Variants in DPP10 observed in about 807,000 individuals in gnomAD.
DPP10 encodes dipeptidyl peptidase like 10, also known as inactive dipeptidyl peptidase 10.
Under a neutral mutation model 120.9 loss-of-function variants are expected in DPP10, and 33 were observed. That is an observed-to-expected ratio of 0.27 (90% confidence interval 0.21 to 0.37). DPP10 has a LOEUF of 0.37. Among genes scored for constraint, DPP10 ranks in the 10% least tolerant of loss-of-function variants. The pLI is 1.00. For synonymous variants in DPP10, 337 were observed against 326.1 expected (o/e 1.03, Z -0.36); for missense variants, 816 against 942.8 (o/e 0.87, Z 1.76).
chr2:114,580,132 G>C (rs1690379465), intron 1 of DPP10, among the ~76,000 whole-genome samples: 1 of 152,174 alleles, frequency 6.6e-6, no homozygotes, highest in Admixed American at 6.5e-5. Flanking sequence ...ACATAAAGCA[G>C]TGCTACGGGT....
intron 1 of DPP10, among the ~76,000 whole-genome samples, chr2:115,303,162 G>T (rs1395326034): frequency 2.0e-5 from 3 of 151,156 alleles, no homozygotes; most frequent in Admixed American, 6.6e-5. Context: ...TTCTTTTTGT[G>T]GTATTTTTTT....
intron 13 of DPP10, among the ~76,000 whole-genome samples, chr2:115,775,382 G>T (rs4629167): frequency 0.26 from 40,007 of 151,538 alleles, 5,566 homozygotes; most frequent in Middle Eastern, 0.44. Flanking sequence ...ATAAATAATG[G>T]AAAGGGACAA....
chr2:115,400,061 C>T (rs1297345626), intron 3 of DPP10, among the ~76,000 whole-genome samples: 1 of 152,070 alleles, frequency 6.6e-6, no homozygotes, highest in Admixed American at 6.5e-5. Context: ...GGGTGCTACA[C>T]ACTTTTAAAT....
At chr2:114,939,272 A>AG (rs377562350) in intron 1 of DPP10, among the ~76,000 whole-genome samples, 2,784 of 151,582 alleles carry the variant, frequency 0.018, 44 homozygotes, top group Admixed American at 0.027. Context: ...AGGTGTTGAA[A>AG]GGGGGGGGTG....
rs75693491 is a variant in DPP10 at position 114,611,147 on chromosome 2, G to A, written c.60+168309G>A. ...AAAGAGAACCCGTAGGCATGACAAG[G>A]TTCAGGCACCAAGCAGAAATGGGAA... On this transcript the variant is annotated intron_variant, in intron 1 of 25. Transcript: ENST00000410059. 7.8e-3 allele frequency among the ~76,000 whole-genome samples: 1,189 copies of A among 152,166 alleles called. 9 individuals carry two copies. The highest frequency in any genetic ancestry group is 0.014 in the Admixed American group (211 of 15,264).
At chr2:115,710,625 T>G (rs2149569040) in intron 7 of DPP10, among the ~76,000 whole-genome samples, 1 of 152,222 alleles carries the variant, frequency 6.6e-6, no homozygotes, top group Non-Finnish European at 1.5e-5. Context: ...TACGAATACA[T>G]TTGAAAAGTT....
intron 1 of DPP10, among the ~76,000 whole-genome samples, chr2:115,108,000 T>A (rs2049033905): frequency 6.6e-6 from 1 of 152,206 alleles, no homozygotes; most frequent in South Asian, 2.1e-4. Context: ...ATAAAATTAA[T>A]CTTTTCAGAA....
At chr2:114,487,034 T>C (rs189000427) in intron 1 of DPP10, among the ~76,000 whole-genome samples, 2 of 152,108 alleles carry the variant, frequency 1.3e-5, no homozygotes, top group East Asian at 3.9e-4. Context: ...GCTAAAAAAA[T>C]GAGAAGTCGA....
rs754241071 is a variant in DPP10, at chr2:115,368,842, TA to T, written c.271+24934del. Among the ~76,000 whole-genome samples, 5 of 151,792 alleles carry T rather than the reference TA, an allele frequency of 3.3e-5. No homozygotes were observed. The East Asian group carries it at 9.6e-4, about 29-fold the overall frequency. On this transcript the variant is annotated intron_variant, in intron 3 of 25. Transcript: ENST00000410059. ...TTAATTCCAAAATATTTTCTTTAAA[TA>T]AAATTTGACATCATCATAGAAAATT...
intron 7 of DPP10, among the ~76,000 whole-genome samples, chr2:115,701,933 CA>C (rs113245456): frequency 0.06 from 9,059 of 152,030 alleles, 740 homozygotes; most frequent in African/African-American, 0.19. Context: ...TAGGTAAACA[CA>C]ACTGAATATA....
At chr2:114,969,691 A>G (rs1558937282) in intron 1 of DPP10, among the ~76,000 whole-genome samples, 1 of 152,154 alleles carries the variant, frequency 6.6e-6, no homozygotes, top group Non-Finnish European at 1.5e-5. Context: ...TGCAATGTGA[A>G]TGGAAATGAT....
chr2:115,804,722 A>G (rs1039625420), intron 19 of DPP10, among the ~76,000 whole-genome samples: 1 of 152,340 alleles, frequency 6.6e-6, no homozygotes, highest in Non-Finnish European at 1.5e-5. Flanking sequence ...CCTGGGTATC[A>G]GCAGTGGTGG....
intron 1 of DPP10, among the ~76,000 whole-genome samples, chr2:114,767,012 C>T (rs1680763952): frequency 1.4e-5 from 2 of 147,848 alleles, no homozygotes; most frequent in African/African-American, 5.0e-5. Context: ...GTGCAAATGT[C>T]AATTTCCTAG....
At chr2:114,750,851 A>C (rs1056325134) in intron 1 of DPP10, among the ~76,000 whole-genome samples, 1 of 152,208 alleles carries the variant, frequency 6.6e-6, no homozygotes, top group Non-Finnish European at 1.5e-5. Context: ...TGGTGGCCTA[A>C]AGCTGAGGAT....
In DPP10 at chr2:114,726,498, A is replaced by T. The variant is rs141105624; in HGVS notation, c.60+283660A>T. 5.0e-3 allele frequency among the ~76,000 whole-genome samples: 762 copies of T among 152,344 alleles called. 7 individuals carry two copies. Among genetic ancestry groups the T allele is most frequent in the African/African-American group, 0.017 (714 of 41,590 alleles). On this transcript the variant is annotated intron_variant, in intron 1 of 25. Coordinates refer to ENST00000410059, the MANE Select transcript of DPP10 (RefSeq NM_020868.6). ...CAAAAAGCCACTGACAAACATTTCA[A>T]GTTAGGCCTGGTGGCACTGCACTTA...
At chr2:115,484,147 C>CA (rs2075621562) in intron 3 of DPP10, among the ~76,000 whole-genome samples, 2 of 103,506 alleles carry the variant, frequency 1.9e-5, no homozygotes, top group Admixed American at 9.1e-5. Flanking sequence ...ACACCCCCCC[C>CA]CCACACACAA....
intron 5 of DPP10, among the ~76,000 whole-genome samples, chr2:115,562,646 T>G (rs2080761643): frequency 2.0e-5 from 3 of 152,218 alleles, no homozygotes; most frequent in Admixed American, 1.3e-4. Flanking sequence ...ACCTTTGTCT[T>G]TTTGAATCAT....
intron 5 of DPP10, among the ~76,000 whole-genome samples, chr2:115,663,863 C>T (rs968261154): frequency 5.3e-5 from 8 of 151,868 alleles, no homozygotes; most frequent in Non-Finnish European, 8.8e-5. Context: ...GGTGTGGTGG[C>T]GTGCACCTGC....
intron 8 of DPP10, among the ~76,000 whole-genome samples, chr2:115,735,465 A>G (rs2093014110): frequency 6.6e-6 from 1 of 151,800 alleles, no homozygotes; most frequent in Non-Finnish European, 1.5e-5. Flanking sequence ...AGGTTATTTA[A>G]CAGGTGGATC....
Sources: gnomAD v4.1 joint callset for allele counts (sites outside exome capture counted in the v4.1 genomes callset) on GRCh38, gnomAD v4.1.1 for gene constraint, MANE v1.5 for transcripts, NCBI Gene and HGNC (gene_info 2026-07-23, HGNC 2026-07-21) for gene names.